CLASP2: variants seen among roughly 807,000 people sequenced by gnomAD.
CLASP2 encodes the protein CLIP-associating protein 2.
CLASP2 carries 47 observed loss-of-function variants against 194.4 expected under a neutral mutation model. That is an observed-to-expected ratio of 0.24 (90% CI 0.19 to 0.31). The LOEUF is 0.31. Ranked by LOEUF, CLASP2 falls within the 10% of genes least tolerant of loss-of-function variation. The probability of loss-of-function intolerance (pLI) is 1.00; values close to 1 mark genes in which losing one functional copy is unlikely to be tolerated. For missense variants in CLASP2, 1,445 were observed against 1,823.6 expected, an observed-to-expected ratio of 0.79 and a Z score of 3.78; for synonymous variants, 619 against 633.5, an observed-to-expected ratio of 0.98 and a Z score of 0.34.
chr3:33,631,052 A>G (rs942827197), intron 9 of CLASP2, among the ~76,000 whole-genome samples: 1 of 152,222 alleles, frequency 6.6e-6, no homozygotes, highest in African/African-American at 2.4e-5. Context: ...ACTTTTTAAG[A>G]TCTTAAATAC....
intron 10 of CLASP2, 38 bp downstream of exon 10, chr3:33,626,950 A>G: frequency 8.1e-7 from 1 of 1,242,084 alleles, no homozygotes; most frequent in Non-Finnish European, 1.1e-6. Context: ...GAACATCAAT[A>G]AAGAAAGAAG....
chr3:33,600,414 T>C (rs77628936), intron 18 of CLASP2, among the ~76,000 whole-genome samples: 53 of 152,302 alleles, frequency 3.5e-4, no homozygotes, highest in Non-Finnish European at 6.5e-4. Flanking sequence ...TGAGTATGTT[T>C]ATTATGAAAG....
rs1010819205 is a variant in CLASP2, at chr3:33,517,037, C to T, written c.3925G>A (p.Asp1309Asn). The T allele has an allele frequency of 6.8e-6, 11 of 1,613,472 alleles. No individual in the cohort carries two copies. The highest frequency in any genetic ancestry group is 9.3e-6 in the Non-Finnish European group (11 of 1,179,738). ...LTQEESFSVW[D>N]EHFKTILLLL... ...AGCAATATTGTTTTGAAGTGTTCAT[C>T]CCAAACACTAAAAGATTCTTCCTGT... The change falls in exon 35 of 39, where the codon GAT becomes AAT. Residue 1309 changes from aspartate (D) to asparagine (N), a missense_variant. Transcript: ENST00000682230.
intron 1 of CLASP2, among the ~76,000 whole-genome samples, chr3:33,697,775 G>A (rs1431965530): frequency 1.3e-5 from 2 of 152,156 alleles, no homozygotes; most frequent in Non-Finnish European, 2.9e-5. Flanking sequence ...CCATCAAAAA[G>A]CTAAGGCTGG....
At chr3:33,594,930 A>G in intron 20 of CLASP2, 21 bp downstream of exon 20, 1 of 1,330,564 alleles carries the variant, frequency 7.5e-7, no homozygotes, top group Middle Eastern at 1.9e-4. Flanking sequence ...TTGTGTTACT[A>G]ACAAAATGTA....
At chr3:33,634,105 G>C (rs1307002765) in intron 8 of CLASP2, among the ~76,000 whole-genome samples, 1 of 152,154 alleles carries the variant, frequency 6.6e-6, no homozygotes, top group Non-Finnish European at 1.5e-5. Flanking sequence ...AGAAAGAAGA[G>C]ATCACCTAGA....
intron 11 of CLASP2, among the ~76,000 whole-genome samples, chr3:33,621,378 G>T (rs186412149): frequency 6.6e-6 from 1 of 152,260 alleles, no homozygotes; most frequent in African/African-American, 2.4e-5. Context: ...TTCTTTGCTA[G>T]TTGGAGATAT....
intron 16 of CLASP2, among the ~76,000 whole-genome samples, chr3:33,606,197 C>T (rs990786876): frequency 6.6e-6 from 1 of 151,684 alleles, no homozygotes; most frequent in African/African-American, 2.4e-5. Context: ...AGCTGTGCGA[C>T]AGGTTAGGAA....
rs770435877 is a variant in CLASP2, at chr3:33,611,868, AC to A, written c.1388+132del. The A allele has an allele frequency of 3.3e-5, 21 of 639,884 alleles. No individual in the cohort carries two copies. The East Asian group carries it at 4.7e-4, about 14-fold the overall frequency. 39.6% of individuals were successfully genotyped at this position (639,884 alleles called of 1,614,324 possible). On this transcript the variant is annotated intron_variant, in intron 13 of 38. Coordinates refer to ENST00000682230, the MANE Select transcript of CLASP2 (RefSeq NM_001365631.1). ...CCTTACATGAGATATGATTAAAAAA[AC>A]AAAACAAAACACTTTTTTATGGTTT...
At chr3:33,602,833 A>C in intron 18 of CLASP2, 119 bp downstream of exon 18, 1 of 1,071,150 alleles carries the variant, frequency 9.3e-7, no homozygotes, top group Non-Finnish European at 1.4e-6. Flanking sequence ...AATTATATTA[A>C]AACATATGGA....
At chr3:33,717,141 T>A (rs1038602395) in intron 1 of CLASP2, among the ~76,000 whole-genome samples, 16 of 152,222 alleles carry the variant, frequency 1.1e-4, no homozygotes, top group African/African-American at 3.9e-4. Flanking sequence ...CATTAGCCTA[T>A]CTACTAAGAC....
intron 37 of CLASP2, among the ~76,000 whole-genome samples, chr3:33,506,998 G>A (rs1356470264): frequency 1.3e-5 from 2 of 151,136 alleles, no homozygotes; most frequent in African/African-American, 4.9e-5. Context: ...GAGTGCAATG[G>A]CTCAATCTCA....
At chr3:33,559,051 A>G in intron 29 of CLASP2, 1 of 551,920 alleles carries the variant, frequency 1.8e-6, no homozygotes, top group Non-Finnish European at 3.3e-6. Flanking sequence ...AAAGGTTAGT[A>G]GTTGAATACA....
At chr3:33,507,102 C>A (rs2048470988) in intron 37 of CLASP2, among the ~76,000 whole-genome samples, 2 of 152,078 alleles carry the variant, frequency 1.3e-5, no homozygotes, top group Non-Finnish European at 2.9e-5. Flanking sequence ...CCACACCCGG[C>A]TGATTTTTTG....
At chr3:33,666,692 A>G (rs1349100251) in intron 6 of CLASP2, among the ~76,000 whole-genome samples, 1 of 152,192 alleles carries the variant, frequency 6.6e-6, no homozygotes, top group Non-Finnish European at 1.5e-5. Context: ...GGTTTTTGTG[A>G]GGAATGTTTT....
rs1158639187 is a variant in CLASP2 at position 33,684,441 on chromosome 3, T to C, written c.562A>G (p.Ile188Val). 21 of 1,598,356 alleles carry C rather than the reference T, an allele frequency of 1.3e-5. No individual in the cohort carries two copies. In the East Asian group the frequency reaches 4.5e-4, roughly 35 times the overall value. The change falls in exon 6 of 39, where the codon ATA becomes GTA. Residue 188 changes from isoleucine to valine, a missense_variant. Physicochemically the swap from Ile to Val is conservative, Grantham distance 29. Coordinates refer to ENST00000682230, the MANE Select transcript of CLASP2 (RefSeq NM_001365631.1). ...CTATAAATCTCCACTATAGCCAATA[T>C]TGCAGCATCTCTCACCTGTCAAAGA... ...DSNSQVRDAA[I>V]LAIVEIYRHV...
chr3:33,534,444 G>A (rs2056947760), intron 34 of CLASP2, among the ~76,000 whole-genome samples: 1 of 151,910 alleles, frequency 6.6e-6, no homozygotes, highest in African/African-American at 2.4e-5. Flanking sequence ...ATGGTGGTCC[G>A]TAGTCCCAGC....
At chr3:33,565,165 CT>C (rs1159563189) in intron 27 of CLASP2, among the ~76,000 whole-genome samples, 1 of 152,014 alleles carries the variant, frequency 6.6e-6, no homozygotes, top group Non-Finnish European at 1.5e-5. Context: ...TTTTCTCTTC[CT>C]TATAATTTTA....
At chr3:33,626,851 C>T in intron 10 of CLASP2, 137 bp downstream of exon 10, 1 of 588,676 alleles carries the variant, frequency 1.7e-6, no homozygotes. Flanking sequence ...TCAATATATT[C>T]TCCAGAAAGA....
Sources: allele counts gnomAD v4.1 joint callset (sites outside exome capture counted in the v4.1 genomes callset), GRCh38; gene constraint gnomAD v4.1.1; transcripts MANE v1.5; gene names NCBI Gene and HGNC (gene_info 2026-07-23, HGNC 2026-07-21).